The following DNAH6 variants were observed in gnomAD, a reference collection of about 807,000 sequenced individuals.
The protein encoded by DNAH6 is axonemal beta dynein heavy chain 6.
Under a neutral mutation model 491.4 loss-of-function variants are expected in DNAH6, and 340 were observed. The observed-to-expected ratio is 0.69, with a 90% CI of 0.63 to 0.76. DNAH6 has a LOEUF of 0.76. Among genes scored for constraint, DNAH6 ranks in the 30% least tolerant of loss-of-function variants. DNAH6 has a pLI of 0.00. For synonymous variants in DNAH6, 1,603 were observed against 1,686.1 expected, an observed-to-expected ratio of 0.95 and a Z score of 1.21; for missense variants, 4,443 against 4,972.2, an observed-to-expected ratio of 0.89 and a Z score of 3.20.
intron 1 of DNAH6, among the ~76,000 whole-genome samples, chr2:84,516,953 C>T (rs539128623): frequency 6.6e-6 from 1 of 152,200 alleles, no homozygotes. Context: ...ACTGTGTGTT[C>T]AAATGATTAT....
intron 9 of DNAH6, among the ~76,000 whole-genome samples, chr2:84,551,633 T>C (rs797009001): frequency 3.9e-5 from 6 of 152,318 alleles, no homozygotes; most frequent in African/African-American, 1.4e-4. Context: ...ATTTTTCCCC[T>C]TAGAAAAAAA....
At chr2:84,467,023 T>G in the DNAH6 span, among the ~76,000 whole-genome samples, 1 of 152,346 alleles carries the variant, frequency 6.6e-6, no homozygotes, top group East Asian at 1.9e-4. Context: ...TTTTACAAAT[T>G]TTTGTTAAAG....
the DNAH6 span, among the ~76,000 whole-genome samples, chr2:84,472,853 A>G: frequency 6.6e-4 from 100 of 152,344 alleles, 1 homozygote; most frequent in Middle Eastern, 0.01. Context: ...TAAAGAATGA[A>G]ATAAAAGATT....
At chr2:84,637,766 C>T (rs1007797081) in intron 31 of DNAH6, among the ~76,000 whole-genome samples, 7 of 152,174 alleles carry the variant, frequency 4.6e-5, no homozygotes, top group Non-Finnish European at 8.8e-5. Flanking sequence ...GTAGAAGCCT[C>T]CTCACTATGA....
intron 4 of DNAH6, among the ~76,000 whole-genome samples, chr2:84,533,462 T>G (rs1677373747): frequency 6.6e-6 from 1 of 152,146 alleles, no homozygotes; most frequent in African/African-American, 2.4e-5. Context: ...GACAGCGTTA[T>G]CACTTTGGTG....
intron 29 of DNAH6, among the ~76,000 whole-genome samples, chr2:84,627,679 C>T (rs773874973): frequency 2.6e-5 from 4 of 152,066 alleles, no homozygotes; most frequent in Non-Finnish European, 4.4e-5. Context: ...TTGGGGAACT[C>T]TTTAATGAGA....
chr2:84,472,540 G>A, the DNAH6 span, among the ~76,000 whole-genome samples: 3,016 of 152,086 alleles, frequency 0.02, 66 homozygotes, highest in Admixed American at 0.044. Context: ...TCCATCTGCC[G>A]AGGGAATTTG....
At position 84,654,672 on chromosome 2, in the gene DNAH6, C is replaced by G; in HGVS notation, c.5647C>G (p.Arg1883Gly). 1.3e-6 allele frequency: 2 copies of G among 1,550,646 alleles called. No homozygotes were observed. The highest frequency in any genetic ancestry group is 1.7e-6 in the Non-Finnish European group (2 of 1,146,192). Reference protein sequence around the residue: ...IHMLFEVQDLRVASPATVSRC... With the variant: ...IHMLFEVQDLGVASPATVSRC... ...TCTTCAACTTTAGGTGCAAGATCTGCGGGTTGCCTCCCCTGCAACAGTCAG... is the reference window on the plus strand; with the variant it reads ...TCTTCAACTTTAGGTGCAAGATCTGGGGGTTGCCTCCCCTGCAACAGTCAG... The change falls in exon 35 of 77, where the codon CGG becomes GGG. Residue 1883 changes from arginine to glycine, a missense_variant. Around this residue, in one of 3 missense-constraint regions of DNAH6, gnomAD observed 2,977 missense variants for 3,296.6 expected, o/e 0.90. Coordinates refer to ENST00000389394, the MANE Select transcript of DNAH6 (RefSeq NM_001370.2).
chr2:84,563,772 G>A (rs546586328), intron 11 of DNAH6, among the ~76,000 whole-genome samples: 11 of 152,212 alleles, frequency 7.2e-5, no homozygotes, highest in Non-Finnish European at 1.2e-4. Flanking sequence ...TGCCAAGCCT[G>A]TGTCGAAAAG....
intron 54 of DNAH6, 42 bp downstream of exon 54, chr2:84,707,758 T>C (rs1199626661): frequency 6.7e-7 from 1 of 1,493,446 alleles, no homozygotes; most frequent in Admixed American, 2.0e-5. Context: ...AAGAAGCAGC[T>C]GAAACTGGAG....
intron 29 of DNAH6, among the ~76,000 whole-genome samples, chr2:84,633,002 TC>T (rs1274284518): frequency 1.3e-5 from 2 of 152,148 alleles, no homozygotes; most frequent in Admixed American, 6.5e-5. Flanking sequence ...ACAGCTTGTT[TC>T]CCCCAAATGC....
chr2:84,554,068 A>G (rs1034488292), intron 10 of DNAH6, among the ~76,000 whole-genome samples: 1 of 152,170 alleles, frequency 6.6e-6, no homozygotes, highest in Non-Finnish European at 1.5e-5. Flanking sequence ...AGGTCCGAGA[A>G]ACCATCTGTA....
chr2:84,744,108 A>G (rs1325199831), intron 62 of DNAH6, among the ~76,000 whole-genome samples: 1 of 152,034 alleles, frequency 6.6e-6, no homozygotes, highest in Non-Finnish European at 1.5e-5. Flanking sequence ...GATGAACACT[A>G]CCCCAAGGCC....
At chr2:84,769,550 G>A (rs1484663999) in intron 64 of DNAH6, among the ~76,000 whole-genome samples, 1 of 152,228 alleles carries the variant, frequency 6.6e-6, no homozygotes, top group Non-Finnish European at 1.5e-5. Context: ...TAGCAATGGT[G>A]TGAGTTCCTG....
chr2:84,764,659 T>G (rs1674907702), intron 64 of DNAH6, among the ~76,000 whole-genome samples: 1 of 152,170 alleles, frequency 6.6e-6, no homozygotes, highest in Non-Finnish European at 1.5e-5. Context: ...TTTTTATAAT[T>G]TCAACTTTTA....
chr2:84,488,942 G>T, the DNAH6 span, among the ~76,000 whole-genome samples: 1 of 152,046 alleles, frequency 6.6e-6, no homozygotes, highest in Non-Finnish European at 1.5e-5. Context: ...GTGGCAGGGA[G>T]CACAGATAAG....
chr2:84,513,784 G>A (rs953745915), upstream of DNAH6, among the ~76,000 whole-genome samples: 1 of 151,938 alleles, frequency 6.6e-6, no homozygotes, highest in Non-Finnish European at 1.5e-5. Flanking sequence ...TTTTTCCCCA[G>A]ACCACATAGG....
chr2:84,743,877 T>G (rs938814510), intron 62 of DNAH6, among the ~76,000 whole-genome samples: 1 of 152,224 alleles, frequency 6.6e-6, no homozygotes, highest in Non-Finnish European at 1.5e-5. Context: ...GCATATTTTA[T>G]ACATTATTTT....
intron 37 of DNAH6, among the ~76,000 whole-genome samples, chr2:84,665,315 G>T (rs1227066783): frequency 2.0e-5 from 3 of 152,110 alleles, no homozygotes; most frequent in Non-Finnish European, 2.9e-5. Context: ...CCAGGAGCTG[G>T]TTTTTTTAAA....
Sources: gnomAD v4.1 joint callset for allele counts (sites outside exome capture counted in the v4.1 genomes callset) on GRCh38, gnomAD v4.1.1 for gene constraint, gnomAD v4.1.1 regional missense constraint, MANE v1.5 for transcripts, NCBI Gene and HGNC (gene_info 2026-07-23, HGNC 2026-07-21) for gene names.